The following XKR4 variants were observed in gnomAD, a reference collection of about 807,000 sequenced individuals.
The protein encoded by XKR4 is XK-related protein 4.
XKR4 carries 12 observed loss-of-function variants against 53.9 expected under a neutral mutation model. The ratio of observed to expected loss-of-function variants is 0.22; its 90% confidence interval spans 0.14 to 0.36. XKR4 has a LOEUF of 0.36. XKR4 is among the 10% of genes least tolerant of loss of function. XKR4 has a pLI of 1.00. For missense variants in XKR4, 799 were observed against 859.5 expected (o/e 0.93, Z 0.88); for synonymous variants, 354 against 362.4 (o/e 0.98, Z 0.26).
At chr8:55,303,792 T>A (rs1468315124) in intron 1 of XKR4, among the ~76,000 whole-genome samples, 1 of 152,236 alleles carries the variant, frequency 6.6e-6, no homozygotes, top group Non-Finnish European at 1.5e-5. Flanking sequence ...CGTAGACGTG[T>A]TTGTAGTATT....
chr8:55,429,244 C>T (rs537392143), intron 2 of XKR4, among the ~76,000 whole-genome samples: 1 of 152,308 alleles, frequency 6.6e-6, no homozygotes, highest in African/African-American at 2.4e-5. Context: ...AAACCTTCAG[C>T]CTAAATCTCA....
intron 1 of XKR4, among the ~76,000 whole-genome samples, chr8:55,243,288 G>A (rs1818237257): frequency 6.6e-6 from 1 of 152,146 alleles, no homozygotes; most frequent in African/African-American, 2.4e-5. Flanking sequence ...CACCATTGTA[G>A]TATCTTACAG....
intron 2 of XKR4, among the ~76,000 whole-genome samples, chr8:55,385,336 C>T (rs1804292683): frequency 6.6e-6 from 1 of 152,162 alleles, no homozygotes; most frequent in Non-Finnish European, 1.5e-5. Context: ...TCCTGGGGCT[C>T]ACCCTGCGCT....
In XKR4 at chr8:55,127,070, G is replaced by T. The variant is rs1816477254; in HGVS notation, c.806+23776G>T. On this transcript the variant is annotated intron_variant, in intron 1 of 2. Transcript: ENST00000327381. ...GTGATGAGTCCTGTGCTAGTGGGTT[G>T]CATGGAGTACTGTGGGAAGACAGTG... 2.6e-5 allele frequency among the ~76,000 whole-genome samples: 4 copies of T among 152,244 alleles called. No individual in the cohort carries two copies. The South Asian group carries it at 8.3e-4, about 32-fold the overall frequency.
At chr8:55,503,841 C>T (rs1806481970) in intron 2 of XKR4, among the ~76,000 whole-genome samples, 1 of 151,854 alleles carries the variant, frequency 6.6e-6, no homozygotes, top group Non-Finnish European at 1.5e-5. Context: ...GTGGGCTTTT[C>T]GTTTATGGCC....
At chr8:55,300,413 G>A (rs1819174639) in intron 1 of XKR4, among the ~76,000 whole-genome samples, 1 of 152,152 alleles carries the variant, frequency 6.6e-6, no homozygotes, top group East Asian at 1.9e-4. Context: ...TTATTTCTGG[G>A]TGATGACTAG....
At chr8:55,483,531 C>T (rs1235056662) in intron 2 of XKR4, among the ~76,000 whole-genome samples, 4 of 150,464 alleles carry the variant, frequency 2.7e-5, no homozygotes, top group Non-Finnish European at 5.9e-5. Flanking sequence ...CAATTTGATC[C>T]CCTCACTCAT....
intron 1 of XKR4, among the ~76,000 whole-genome samples, chr8:55,194,414 A>T (rs1288001461): frequency 6.6e-6 from 1 of 152,140 alleles, no homozygotes; most frequent in Admixed American, 6.5e-5. Flanking sequence ...TCCAGCCAGG[A>T]TTCAGGCTTA....
At position 55,102,369 on chromosome 8, in the gene XKR4, A is replaced by G; in HGVS notation, c.-120A>G. 2 of 1,238,052 alleles carry G rather than the reference A, an allele frequency of 1.6e-6. No individual in the cohort carries two copies. The highest frequency in any genetic ancestry group is 2.1e-6 in the Non-Finnish European group (2 of 971,656). 76.7% of individuals were successfully genotyped at this position (1,238,052 alleles called of 1,614,324 possible). A position where few individuals can be genotyped will look rare whatever the true frequency, so the allele number is the denominator to read the frequency against. Reference sequence around the variant, plus strand: ...GCAGGCGAGCCGACGCAGGAGCAGGAGGAGGGGGAGCCGCACCGCCTGGGA... The same window carrying G: ...GCAGGCGAGCCGACGCAGGAGCAGGGGGAGGGGGAGCCGCACCGCCTGGGA... On this transcript the variant is annotated 5_prime_UTR_variant, in exon 1 of 3. Coordinates refer to ENST00000327381, the MANE Select transcript of XKR4 (RefSeq NM_052898.2). This position sits in a 1 kb window ranked among gnomAD's most constrained non-coding sequence, Gnocchi z 5.1.
rs909837382 is a variant in XKR4, at chr8:55,519,579, A to G, written c.1007-3702A>G. ...TTGGAAATAATCCAGATTAAAGAAA[A>G]CTGAATTAATACAACAGCCAAATGT... On this transcript the variant is annotated intron_variant, in intron 2 of 2. Coordinates refer to ENST00000327381, the MANE Select transcript of XKR4 (RefSeq NM_052898.2). 2.6e-5 allele frequency among the ~76,000 whole-genome samples: 4 copies of G among 152,194 alleles called. 1 individual carries two copies. The highest frequency in any genetic ancestry group is 5.9e-5 in the Non-Finnish European group (4 of 68,020).
intron 1 of XKR4, among the ~76,000 whole-genome samples, chr8:55,284,050 TCTC>T (rs1482193287): frequency 2.0e-5 from 3 of 152,210 alleles, no homozygotes; most frequent in Non-Finnish European, 4.4e-5. Flanking sequence ...TGCCTTCTCT[TCTC>T]CTCTTTGGTA....
chr8:55,276,538 C>A (rs1427019617), intron 1 of XKR4, among the ~76,000 whole-genome samples: 1 of 152,192 alleles, frequency 6.6e-6, no homozygotes, highest in African/African-American at 2.4e-5. Flanking sequence ...AACCACAATG[C>A]AATTCTTCAC....
At chr8:55,459,499 C>G (rs1466243892) in intron 2 of XKR4, among the ~76,000 whole-genome samples, 1 of 151,956 alleles carries the variant, frequency 6.6e-6, no homozygotes, top group Non-Finnish European at 1.5e-5. Context: ...AAACCATAGA[C>G]TGAAATAAGA....
intron 2 of XKR4, among the ~76,000 whole-genome samples, chr8:55,422,873 A>G (rs117791137): frequency 0.022 from 3,319 of 152,260 alleles, 42 homozygotes; most frequent in Middle Eastern, 0.034. Context: ...AGGGGTGGCA[A>G]TGGGAGAGGG....
intron 1 of XKR4, among the ~76,000 whole-genome samples, chr8:55,300,798 T>A (rs1037810451): frequency 4.6e-5 from 7 of 152,158 alleles, no homozygotes; most frequent in African/African-American, 1.7e-4. Context: ...GGTGAAGCCA[T>A]CATTGGAGAA....
At chr8:55,442,828 C>T (rs980293972) in intron 2 of XKR4, among the ~76,000 whole-genome samples, 16 of 151,988 alleles carry the variant, frequency 1.1e-4, no homozygotes, top group African/African-American at 3.9e-4. Context: ...GAGAAAGAGG[C>T]GTGGGGAGTG....
At chr8:55,116,141 A>G (rs1208091192) in intron 1 of XKR4, among the ~76,000 whole-genome samples, 3 of 152,184 alleles carry the variant, frequency 2.0e-5, no homozygotes, top group Admixed American at 2.0e-4. Context: ...GAGGGTGGAC[A>G]AAGTTTGTGT....
intron 1 of XKR4, among the ~76,000 whole-genome samples, chr8:55,112,655 C>A (rs1216466744): frequency 7.8e-6 from 1 of 127,746 alleles, no homozygotes; most frequent in Non-Finnish European, 1.6e-5. Context: ...CTAAATGATT[C>A]CCTATAACTT....
chr8:55,441,196 G>T (rs1402666044), intron 2 of XKR4, among the ~76,000 whole-genome samples: 1 of 151,912 alleles, frequency 6.6e-6, no homozygotes, highest in Non-Finnish European at 1.5e-5. Flanking sequence ...ACTGTGATTG[G>T]ACTACTGCAC....
Sources: allele counts gnomAD v4.1 joint callset (sites outside exome capture counted in the v4.1 genomes callset), GRCh38; gene constraint gnomAD v4.1.1; non-coding constraint Gnocchi (gnomAD v3.1); transcripts MANE v1.5; gene names NCBI Gene and HGNC (gene_info 2026-07-23, HGNC 2026-07-21).